PPP4R3A: variants seen among roughly 807,000 people sequenced by gnomAD.
PPP4R3A encodes protein phosphatase 4 regulatory subunit 3A, also known as serine/threonine-protein phosphatase 4 regulatory subunit 3A.
A neutral mutation model predicts 91.7 loss-of-function variants in PPP4R3A; 15 were observed. The ratio of observed to expected loss-of-function variants is 0.16; its 90% confidence interval spans 0.11 to 0.25. The LOEUF (loss-of-function observed/expected upper bound fraction) is 0.25, where lower values mean the gene tolerates loss of function less well. Ranked by LOEUF, PPP4R3A falls within the 10% of genes least tolerant of loss-of-function variation. The pLI, the probability that PPP4R3A is intolerant of heterozygous loss-of-function variation, is 1.00. For missense variants in PPP4R3A, 623 were observed against 998.4 expected (o/e 0.62, Z 5.07); for synonymous variants, 377 against 348.7 (o/e 1.08, Z -0.91).
intron 2 of PPP4R3A, among the ~76,000 whole-genome samples, chr14:91,486,541 A>G (rs1463583442): frequency 6.6e-6 from 1 of 152,228 alleles, no homozygotes; most frequent in Non-Finnish European, 1.5e-5. Flanking sequence ...AATCTCAGCA[A>G]GACACTGCAC....
rs746009868 is a variant in PPP4R3A, at chr14:91,458,816, CTCATCA to C, written c.2439_2444del (p.Asp813_Asp814del). The C allele has an allele frequency of 7.4e-5, 119 of 1,613,298 alleles. No individual in the cohort carries two copies. The highest frequency in any genetic ancestry group is 9.3e-5 in the Non-Finnish European group (110 of 1,179,672). ...GTAACGTATCTTCCTTATCTTCATC[CTCATCA>C]TCATCTTCATCATCATCAGGATAAT... On this transcript the variant is annotated inframe_deletion, in exon 15 of 15. Transcript: ENST00000554943.
At chr14:91,504,325 T>TAAAAAA (rs35776205) in intron 1 of PPP4R3A, among the ~76,000 whole-genome samples, 2 of 115,020 alleles carry the variant, frequency 1.7e-5, no homozygotes, top group Admixed American at 8.6e-5. Flanking sequence ...TCTTAAAAAT[T>TAAAAAA]AAAAAAAAAA....
rs1261788399 is a variant in PPP4R3A, at chr14:91,458,547, A to C, written c.*212T>G. 6 of 687,998 alleles carry C rather than the reference A, an allele frequency of 8.7e-6. No individual in the cohort carries two copies. Among genetic ancestry groups the C allele is most frequent in the Non-Finnish European group, 1.5e-5 (6 of 390,032 alleles). The allele number at this position is 687,998 out of a possible 1,614,324, so 42.6% of individuals were successfully genotyped here. On this transcript the variant is annotated 3_prime_UTR_variant, in exon 15 of 15. Transcript: ENST00000554943. ...GGGCAATGTGTGGTCCAAGCTGGAGAGCTCAAAGGCTTAAGTCTTTCCCCT... is the reference window on the plus strand; with the variant it reads ...GGGCAATGTGTGGTCCAAGCTGGAGCGCTCAAAGGCTTAAGTCTTTCCCCT...
chr14:91,465,432 G>A lies in PPP4R3A; in HGVS notation c.1661-13C>T, dbSNP rs759654791. On this transcript the variant is annotated splice_polypyrimidine_tract_variant and intron_variant, in intron 10 of 14. Transcript: ENST00000554943. The stretch of plus-strand genomic sequence containing the variant: ...AAACGAAGGGCACCTGAAACACAGA[G>A]GCATGGTTGTTTAAATCACATACCA... The A allele has an allele frequency of 6.4e-7, 1 of 1,563,962 alleles. No individual in the cohort carries two copies. Among genetic ancestry groups the A allele is most frequent in the Non-Finnish European group, 8.6e-7 (1 of 1,160,790 alleles).
rs1283203754 is a variant in PPP4R3A at position 91,509,777 on chromosome 14, G to C, written c.-130C>G. ...TCCCCGGCCTCACTGCCGCCGCTGG[G>C]CGCCGCGGGGCCGCGCCGCCGCCTG... On this transcript the variant is annotated 5_prime_UTR_variant, in exon 1 of 15. Transcript: ENST00000554943. The C allele has an allele frequency of 1.3e-5, 17 of 1,266,218 alleles. 1 individual carries two copies. The East Asian group carries it at 5.5e-4, about 41-fold the overall frequency. 78.4% of individuals were successfully genotyped at this position (1,266,218 alleles called of 1,614,324 possible).
chr14:91,485,519 G>T (rs193126193), intron 3 of PPP4R3A, 113 bp downstream of exon 3: 473 of 733,468 alleles, frequency 6.4e-4, no homozygotes, highest in Non-Finnish European at 9.7e-4. Flanking sequence ...AGACAGCAGT[G>T]AATTTAAAAG....
intron 1 of PPP4R3A, among the ~76,000 whole-genome samples, chr14:91,499,216 G>C (rs1237456889): frequency 1.3e-5 from 2 of 151,784 alleles, no homozygotes; most frequent in African/African-American, 4.8e-5. Flanking sequence ...AGTGAGCTCT[G>C]ATCACACCAC....
intron 1 of PPP4R3A, among the ~76,000 whole-genome samples, chr14:91,495,322 G>GTGTC (rs1555437566): frequency 5.7e-4 from 87 of 151,636 alleles, no homozygotes; most frequent in East Asian, 2.1e-3. Flanking sequence ...GTGTGTGTGT[G>GTGTC]TGTATGTTTT....
At position 91,458,366 on chromosome 14, in the gene PPP4R3A, G is replaced by C. The variant is rs1016299060; in HGVS notation, c.*393C>G. 3.9e-6 allele frequency: 1 copy of C among 254,820 alleles called. No homozygotes were observed. The highest frequency in any genetic ancestry group is 7.8e-6 in the Non-Finnish European group (1 of 128,978). The allele number at this position is 254,820 out of a possible 1,614,324, so 15.8% of individuals were successfully genotyped here. A position where few individuals can be genotyped will look rare whatever the true frequency, so the allele number is the denominator to read the frequency against. On this transcript the variant is annotated 3_prime_UTR_variant, in exon 15 of 15. Transcript: ENST00000554943. ...AAGAAACTGCTGGCATTCTTGACTA[G>C]TGAAGAATTATGGCAGAAAGGCCCA...
intron 4 of PPP4R3A, among the ~76,000 whole-genome samples, chr14:91,478,533 T>C (rs903913655): frequency 6.6e-6 from 1 of 152,200 alleles, no homozygotes; most frequent in African/African-American, 2.4e-5. Context: ...AACAGACATA[T>C]TGGCAGCCAG....
intron 1 of PPP4R3A, among the ~76,000 whole-genome samples, chr14:91,495,120 T>C (rs1890458921): frequency 6.6e-6 from 1 of 151,978 alleles, no homozygotes; most frequent in Admixed American, 6.6e-5. Context: ...AGACAAAAAC[T>C]TGTACATTTA....
intron 1 of PPP4R3A, among the ~76,000 whole-genome samples, chr14:91,502,483 TGATA>T (rs1891028472): frequency 6.6e-6 from 1 of 152,168 alleles, no homozygotes; most frequent in Admixed American, 6.6e-5. Context: ...GAGCTCTTCT[TGATA>T]AATATACAGA....
chr14:91,482,184 T>G lies in PPP4R3A; in HGVS notation c.307A>C (p.Lys103Gln). The change falls in exon 4 of 15, where the codon AAG (lysine) becomes CAG (glutamine). Residue 103 changes from lysine (K) to glutamine (Q), a missense_variant. Coordinates refer to ENST00000554943, the MANE Select transcript of PPP4R3A (RefSeq NM_001366432.2). ...TGAGTGATGTCCACGGAAGGGTCCT[T>G]TCCTTGAACCTATGAAAAAAAATTT... Reference protein sequence around the residue: ...IWEKICQVQGKDPSVDITQDL... With the variant: ...IWEKICQVQGQDPSVDITQDL... 1 of 1,590,224 alleles carries G rather than the reference T, an allele frequency of 6.3e-7. No individual in the cohort carries two copies. Among genetic ancestry groups the G allele is most frequent in the Non-Finnish European group, 8.5e-7 (1 of 1,170,934 alleles).
At chr14:91,498,767 A>C (rs1890745062) in intron 1 of PPP4R3A, among the ~76,000 whole-genome samples, 1 of 151,856 alleles carries the variant, frequency 6.6e-6, no homozygotes, top group South Asian at 2.1e-4. Flanking sequence ...ACAAAAAATT[A>C]GCCAGGCGTG....
intron 1 of PPP4R3A, among the ~76,000 whole-genome samples, chr14:91,493,516 A>T (rs1890354176): frequency 1.3e-5 from 2 of 148,674 alleles, no homozygotes; most frequent in Non-Finnish European, 3.0e-5. Context: ...AACAAAGGCA[A>T]GGTGCAGTGG....
At chr14:91,462,323 T>G in intron 12 of PPP4R3A, 84 bp from the exon 13 acceptor site, 5 of 1,271,028 alleles carry the variant, frequency 3.9e-6, no homozygotes, top group Non-Finnish European at 5.1e-6. Flanking sequence ...CTTGTTAACA[T>G]AGGGAATTAA....
chr14:91,475,625 C>A, intron 7 of PPP4R3A, 186 bp downstream of exon 7: 1 of 488,838 alleles, frequency 2.0e-6, no homozygotes, highest in Non-Finnish European at 3.5e-6. Flanking sequence ...TTTAAATGAA[C>A]ATAAATAGTT....
chr14:91,491,069 CTAA>C (rs1236817515), intron 1 of PPP4R3A, among the ~76,000 whole-genome samples: 3 of 151,220 alleles, frequency 2.0e-5, no homozygotes, highest in Non-Finnish European at 3.0e-5. Flanking sequence ...CCACACCAGG[CTAA>C]TGTTTTGTAT....
At chr14:91,467,752 G>A (rs559345632) in intron 10 of PPP4R3A, among the ~76,000 whole-genome samples, 3 of 152,246 alleles carry the variant, frequency 2.0e-5, no homozygotes, top group Admixed American at 2.0e-4. Flanking sequence ...TTAACTAGTT[G>A]TCTTTAAAGA....
Sources: allele counts gnomAD v4.1 joint callset (sites outside exome capture counted in the v4.1 genomes callset), GRCh38; gene constraint gnomAD v4.1.1; transcripts MANE v1.5; gene names NCBI Gene and HGNC (gene_info 2026-07-23, HGNC 2026-07-21).